Variants in SRGAP3 observed in about 807,000 individuals in gnomAD.
The protein encoded by SRGAP3 is SLIT-ROBO Rho GTPase-activating protein 3.
SRGAP3 carries 39 observed loss-of-function variants against 121.1 expected under a neutral mutation model. That is an observed-to-expected ratio of 0.32 (90% CI 0.25 to 0.42). The LOEUF is 0.42. Among genes scored for constraint, SRGAP3 ranks in the 10% least tolerant of loss-of-function variants. The pLI, the probability that SRGAP3 is intolerant of heterozygous loss-of-function variation, is 1.00. For synonymous variants in SRGAP3, 601 were observed against 570.0 expected (o/e 1.05, Z -0.77); for missense variants, 1,213 against 1,470.6 (o/e 0.82, Z 2.86).
chr3:9,337,086 C>A (rs909950165), intron 1 of SRGAP3, among the ~76,000 whole-genome samples: 3 of 152,032 alleles, frequency 2.0e-5, no homozygotes, highest in Non-Finnish European at 4.4e-5. Context: ...TGAGCCCTTG[C>A]AAAAAGGCAG....
At chr3:9,142,516 C>A (rs1949888711) in intron 1 of SRGAP3, among the ~76,000 whole-genome samples, 2 of 152,224 alleles carry the variant, frequency 1.3e-5, no homozygotes, top group African/African-American at 4.8e-5. Flanking sequence ...CAATGTGAAA[C>A]TCTCTGCCAA....
Position 8,990,605 on chromosome 3 carries a change from G to A in SRGAP3, c.2793C>T (p.Leu931=), listed in dbSNP as rs745325763. ...TCGACCTCATCGAGTGCCCTTCGGA[G>A]AGCGCCTTCTTGTCAGGGTAGTTGA... The part of the protein sequence containing the change: ...GSINYPDKKA[L]SEGHSMRSTC... Residue 931 remains leucine (L), a synonymous_variant, in exon 21 of 22, where the codon CTC becomes CTT. Transcript: ENST00000383836. The A allele has an allele frequency of 1.9e-5, 30 of 1,610,402 alleles. No homozygotes were observed. The highest frequency in any genetic ancestry group is 1.5e-4 in the Admixed American group (9 of 59,452).
chr3:9,339,771 C>T lies in SRGAP3; in HGVS notation n.215-9175G>A, dbSNP rs17050255. ...GTTTGCAACCTCTATACAAGCTAAC[C>T]CCAAGAAGGCAAGGCACTTGGATAA... On this transcript the variant is annotated intron_variant and non_coding_transcript_variant, in intron 1 of 3. Coordinates refer to the SRGAP3 transcript ENST00000490889. 0.034 allele frequency among the ~76,000 whole-genome samples: 5,101 copies of T among 152,228 alleles called. 371 individuals carry two copies. In the East Asian group the frequency reaches 0.35, roughly 10 times the overall value.
chr3:9,108,132 G>C (rs1575084769), intron 2 of SRGAP3, among the ~76,000 whole-genome samples: 1 of 152,248 alleles, frequency 6.6e-6, no homozygotes. Context: ...CCAGACTAAG[G>C]GGGTGGGACC....
intron 3 of SRGAP3, among the ~76,000 whole-genome samples, chr3:9,288,010 T>A (rs544939812): frequency 6.6e-6 from 1 of 152,272 alleles, no homozygotes; most frequent in African/African-American, 2.4e-5. Context: ...TACTGAAAAA[T>A]TCTTAACCAC....
At chr3:9,206,867 T>C (rs930887924) in intron 1 of SRGAP3, among the ~76,000 whole-genome samples, 2 of 152,168 alleles carry the variant, frequency 1.3e-5, no homozygotes, top group African/African-American at 4.8e-5. Context: ...TTTGTCTATT[T>C]CATGACAGTC....
intron 1 of SRGAP3, among the ~76,000 whole-genome samples, chr3:9,213,759 TTC>T (rs1440103063): frequency 4.6e-5 from 7 of 152,174 alleles, no homozygotes; most frequent in Non-Finnish European, 8.8e-5. Context: ...CCTCTCCCAC[TTC>T]TTGTGACATT....
intron 1 of SRGAP3, among the ~76,000 whole-genome samples, chr3:9,157,001 T>C (rs2125067654): frequency 6.6e-6 from 1 of 152,368 alleles, no homozygotes; most frequent in East Asian, 1.9e-4. Flanking sequence ...TATAGATCCA[T>C]GGGTTGATCT....
At chr3:9,304,025 G>A (rs1955114439) in intron 3 of SRGAP3, among the ~76,000 whole-genome samples, 2 of 152,254 alleles carry the variant, frequency 1.3e-5, no homozygotes, top group African/African-American at 2.4e-5. Context: ...TAATAACTTC[G>A]TCTGGAAGGG....
intron 1 of SRGAP3, among the ~76,000 whole-genome samples, chr3:9,338,889 T>C (rs1575016323): frequency 1.3e-5 from 2 of 152,220 alleles, no homozygotes; most frequent in African/African-American, 2.4e-5. Context: ...CTCAATATTA[T>C]ACAATCCCAA....
intron 17 of SRGAP3, among the ~76,000 whole-genome samples, chr3:9,012,514 C>A (rs1943426221): frequency 6.6e-6 from 1 of 152,182 alleles, no homozygotes; most frequent in Non-Finnish European, 1.5e-5. Flanking sequence ...AAATCTTTCT[C>A]CTAAGACCTA....
In SRGAP3 at chr3:9,096,937, GTATATATATATA is replaced by G. The variant is rs58305278; in HGVS notation, c.423+7731_423+7742del. On this transcript the variant is annotated intron_variant, in intron 3 of 21. Coordinates refer to ENST00000383836, the MANE Select transcript of SRGAP3 (RefSeq NM_014850.4). ...AATTATATATTTTTTACATTATTTT[GTATATATATATA>G]TATATATATATATATATATATATAT... Among the ~76,000 whole-genome samples, 564 of 61,310 alleles carry G rather than the reference GTATATATATATA, an allele frequency of 9.2e-3. 8 individuals are homozygous for G. Among genetic ancestry groups the G allele is most frequent in the Middle Eastern group, 0.059 (6 of 102 alleles). 40.2% of individuals were successfully genotyped at this position (61,310 alleles called of 152,430 possible).
At chr3:9,221,959 C>T (rs1252149259) in intron 1 of SRGAP3, among the ~76,000 whole-genome samples, 1 of 152,176 alleles carries the variant, frequency 6.6e-6, no homozygotes, top group Non-Finnish European at 1.5e-5. Flanking sequence ...GCCTGCTCAG[C>T]GCCTGGCCAG....
chr3:9,010,230 C>T, intron 18 of SRGAP3, 78 bp downstream of exon 18: 1 of 1,532,910 alleles, frequency 6.5e-7, no homozygotes, highest in Admixed American at 1.7e-5. Flanking sequence ...TGTGGGCCAG[C>T]CCTGTGGTTG....
chr3:9,086,517 CAAAAAA>C (rs1242587521), intron 3 of SRGAP3, among the ~76,000 whole-genome samples: 1 of 87,090 alleles, frequency 1.1e-5, no homozygotes, highest in African/African-American at 4.2e-5. Flanking sequence ...GAGACTGTTT[CAAAAAA>C]AAAAAAAAAA....
intron 3 of SRGAP3, among the ~76,000 whole-genome samples, chr3:9,086,833 T>A (rs972286520): frequency 6.7e-6 from 1 of 149,814 alleles, no homozygotes; most frequent in Non-Finnish European, 1.5e-5. Context: ...ATAGGTATAG[T>A]ACATATGTAT....
intron 3 of SRGAP3, among the ~76,000 whole-genome samples, chr3:9,263,675 A>C (rs1954296824): frequency 6.6e-6 from 1 of 152,084 alleles, no homozygotes; most frequent in African/African-American, 2.4e-5. Flanking sequence ...CAACCAGGAA[A>C]AACTTGAATC....
At chr3:9,152,995 C>T (rs1321439151) in intron 1 of SRGAP3, among the ~76,000 whole-genome samples, 1 of 152,242 alleles carries the variant, frequency 6.6e-6, no homozygotes, top group Admixed American at 6.5e-5. Flanking sequence ...CTGGCTTCCA[C>T]AGTCGTTGAT....
chr3:9,334,732 T>A (rs1955663274), intron 1 of SRGAP3, among the ~76,000 whole-genome samples: 1 of 152,214 alleles, frequency 6.6e-6, no homozygotes, highest in Non-Finnish European at 1.5e-5. Context: ...GACAGTCAAC[T>A]ACCCAAATGG....
Sources: allele counts gnomAD v4.1 joint callset (sites outside exome capture counted in the v4.1 genomes callset), GRCh38; gene constraint gnomAD v4.1.1; transcripts MANE v1.5; gene names NCBI Gene and HGNC (gene_info 2026-07-23, HGNC 2026-07-21).